LDHD: variants seen among roughly 807,000 people sequenced by gnomAD.
The protein encoded by LDHD is D-lactate dehydrogenase, mitochondrial.
Under a neutral mutation model 52.9 loss-of-function variants are expected in LDHD, and 58 were observed. The observed-to-expected ratio is 1.10, with a 90% CI of 0.89 to 1.36. LDHD has a LOEUF of 1.36. Ranked by LOEUF, LDHD falls within the 40% of genes most tolerant of loss-of-function variation. The probability of loss-of-function intolerance (pLI) is 0.00; values close to 1 mark genes in which losing one functional copy is unlikely to be tolerated. For synonymous variants in LDHD, 350 were observed against 288.6 expected (o/e 1.21, Z -2.16); for missense variants, 747 against 668.0 (o/e 1.12, Z -1.30).
chr16:75,114,093 G>T lies in LDHD; in HGVS notation c.702C>A (p.Ala234=). ...GGGCAGGGTGCAGGCGCAGGGTGGT[G>T]GCTGTGATGAGGCCCAGCGTCCCCT... ...GSEGTLGLIT[A]TTLRLHPAPE... is the part of the protein sequence containing the mutation. The change falls in exon 6 of 11, where the codon GCC becomes GCA. Residue 234 remains alanine, a synonymous_variant. Coordinates refer to ENST00000450168, the MANE Select transcript of LDHD (RefSeq NM_194436.3). 1.2e-6 allele frequency: 2 copies of T among 1,612,002 alleles called. No individual in the cohort carries two copies.
Position 75,114,645 on chromosome 16 carries a change from G to T in LDHD, c.510C>A (p.Thr170=). 3 of 1,530,616 alleles carry T rather than the reference G, an allele frequency of 2.0e-6. No homozygotes were observed. The highest frequency in any genetic ancestry group is 2.6e-6 in the Non-Finnish European group (3 of 1,140,432). 94.8% of individuals were successfully genotyped at this position (1,530,616 alleles called of 1,614,324 possible). The change falls in exon 5 of 11, where the codon ACC becomes ACA. Residue 170 remains threonine (T), a synonymous_variant. Transcript: ENST00000450168. ...ADASLCGMAA[T]GASGTNAVRY... Reference sequence around the variant, plus strand: ...GGACCGCGTTGGTCCCCGACGCCCCGGTGGCCGCCATGCCACAGAGAGAGG... The same window carrying T: ...GGACCGCGTTGGTCCCCGACGCCCCTGTGGCCGCCATGCCACAGAGAGAGG...
chr16:75,116,532 CA>C, intron 1 of LDHD, 116 bp downstream of exon 1: 1 of 845,116 alleles, frequency 1.2e-6, no homozygotes, highest in Non-Finnish European at 1.9e-6. Context: ...CCCTTTTGCC[CA>C]AGGTCAGGTC....
In LDHD at chr16:75,112,935, G is replaced by C; in HGVS notation, c.1087-11C>G. 1.2e-6 allele frequency: 2 copies of C among 1,604,592 alleles called. No individual in the cohort carries two copies. Among genetic ancestry groups the C allele is most frequent in the Non-Finnish European group, 1.7e-6 (2 of 1,176,316 alleles). Reference sequence around the variant, plus strand: ...ATCCGTGGAGTAGCCCTGGTCAGAGGGAAGCCTATGAGTTACCCCTGCCTG... The same window carrying C: ...ATCCGTGGAGTAGCCCTGGTCAGAGCGAAGCCTATGAGTTACCCCTGCCTG... On this transcript the variant is annotated splice_polypyrimidine_tract_variant and intron_variant, in intron 8 of 10. Transcript: ENST00000450168.
Position 75,115,582 on chromosome 16 carries a change from G to C in LDHD, c.151C>G (p.Arg51Gly). 4 of 1,612,838 alleles carry C rather than the reference G, an allele frequency of 2.5e-6. No homozygotes were observed. Among genetic ancestry groups the C allele is most frequent in the East Asian group, 2.2e-5 (1 of 44,850 alleles). ...GACTCATCGCGCCCGTGCTGCTCTC[G>C]GACCACCGCGGCAGTGGACACGTGG... ...GSHVSTAAVV[R>G]EQHGRDESVH... Residue 51 changes from arginine to glycine, a missense_variant, in exon 2 of 11, where the codon CGA (arginine) becomes GGA (glycine). Physicochemically the swap from Arg to Gly is moderately radical, Grantham distance 125. Transcript: ENST00000450168.
intron 8 of LDHD, 79 bp from the exon 9 acceptor site, chr16:75,113,003 C>A: frequency 9.7e-7 from 1 of 1,034,944 alleles, no homozygotes; most frequent in South Asian, 1.3e-5. Flanking sequence ...GAGGATGGGT[C>A]GGAGGGCACT....
rs756306177 is a variant in LDHD, at chr16:75,115,330, A to G, written c.195T>C (p.Pro65=). 1.2e-6 allele frequency: 2 copies of G among 1,613,598 alleles called. No individual in the cohort carries two copies. The highest frequency in any genetic ancestry group is 1.7e-6 in the Non-Finnish European group (2 of 1,180,002). ...TCTGGGGCCACACCACAGCATCAGG[A>G]GGTTCGCACCTAGAACCAGACCCTC... ...GRDESVHRCE[P]PDAVVWPQNV... Residue 65 remains proline, a synonymous_variant, in exon 3 of 11, where the codon CCT becomes CCC. Coordinates refer to ENST00000450168, the MANE Select transcript of LDHD (RefSeq NM_194436.3).
intron 1 of LDHD, among the ~76,000 whole-genome samples, chr16:75,116,128 A>T (rs1447777336): frequency 6.6e-6 from 1 of 152,130 alleles, no homozygotes; most frequent in East Asian, 1.9e-4. Flanking sequence ...GAGCAACCGA[A>T]AAGATCCCTC....
intron 1 of LDHD, 162 bp downstream of exon 1, chr16:75,116,487 C>T: frequency 1.7e-6 from 1 of 592,058 alleles, no homozygotes; most frequent in Non-Finnish European, 3.0e-6. Flanking sequence ...TCTCACTCTA[C>T]ACCCACCCAC....
At chr16:75,115,038 C>T (rs1249962305) in intron 3 of LDHD, 70 bp from the exon 4 acceptor site, 3 of 1,554,486 alleles carry the variant, frequency 1.9e-6, no homozygotes, top group East Asian at 4.5e-5. Context: ...CGGACCACAC[C>T]CCGCGGGTGT....
In LDHD at chr16:75,111,922, TATC is replaced by T. The variant is rs3217256; in HGVS notation, c.*431_*433del. 58,648 of 160,174 alleles carry T rather than the reference TATC, an allele frequency of 0.37. 13,215 individuals are homozygous for T. The highest frequency in any genetic ancestry group is 0.5 in the Non-Finnish European group (36,615 of 73,714). 9.9% of individuals were successfully genotyped at this position (160,174 alleles called of 1,614,324 possible). A position where few individuals can be genotyped will look rare whatever the true frequency, so the allele number is the denominator to read the frequency against. On this transcript the variant is annotated 3_prime_UTR_variant, in exon 11 of 11. Coordinates refer to ENST00000450168, the MANE Select transcript of LDHD (RefSeq NM_194436.3). ...TGGGGGAGGCCCCAAGGAGAAGACC[TATC>T]ATCATGTCACGGGAGCTCACGTTCC...
In LDHD at chr16:75,114,618, GCGGAC is replaced by G. The variant is rs1366523254; in HGVS notation, c.532_536del (p.Val178LeufsTer65). 3.9e-6 allele frequency: 6 copies of G among 1,534,326 alleles called. No homozygotes were observed. Among genetic ancestry groups the G allele is most frequent in the Non-Finnish European group, 5.2e-6 (6 of 1,144,644 alleles). ...GCACGTTGTCCCGCATGGTGCCGTA[GCGGAC>G]CGCGTTGGTCCCCGACGCCCCGGTG... On this transcript the variant is annotated frameshift_variant, in exon 5 of 11. Coordinates refer to ENST00000450168, the MANE Select transcript of LDHD (RefSeq NM_194436.3). LOFTEE classifies it high-confidence loss of function.
intron 1 of LDHD, among the ~76,000 whole-genome samples, 190 bp from the exon 2 acceptor site, chr16:75,115,850 A>C (rs1350776196): frequency 1.3e-5 from 2 of 152,158 alleles, no homozygotes; most frequent in African/African-American, 4.8e-5. Context: ...CCTCTTTTCC[A>C]AACAGAGCCA....
intron 3 of LDHD, 85 bp downstream of exon 3, chr16:75,115,113 G>A (rs1249039847): frequency 1.9e-6 from 3 of 1,552,628 alleles, no homozygotes; most frequent in Admixed American, 1.8e-5. Flanking sequence ...GACCCAAGGT[G>A]CCGTGTGTGG....
At chr16:75,115,731 G>A in intron 1 of LDHD, 71 bp from the exon 2 acceptor site, 1 of 997,418 alleles carries the variant, frequency 1.0e-6, no homozygotes. Context: ...CCCAGTGTCG[G>A]GGGGAGGGCT....
rs1485636421 is a variant in LDHD, at chr16:75,114,538, C to G, written c.617G>C (p.Gly206Ala). The part of the protein sequence containing the change: ...DGRLLHTAGR[G>A]RHFRKSAAGY... ...AGAGGGCGCTCACCGGAAATGCCGG[C>G]CTCGGCCCGCCGTGTGCAGCAGCCG... Residue 206 changes from glycine to alanine, a missense_variant, in exon 5 of 11, where the codon GGC (glycine) becomes GCC (alanine). Physicochemically the swap from Gly to Ala is moderately conservative, Grantham distance 60. Coordinates refer to ENST00000450168, the MANE Select transcript of LDHD (RefSeq NM_194436.3). 6 of 1,524,616 alleles carry G rather than the reference C, an allele frequency of 3.9e-6. No individual in the cohort carries two copies. Among genetic ancestry groups the G allele is most frequent in the South Asian group, 1.2e-5 (1 of 83,108 alleles). The allele number at this position is 1,524,616 out of a possible 1,614,324, so 94.4% of individuals were successfully genotyped here. A position where few individuals can be genotyped will look rare whatever the true frequency, so the allele number is the denominator to read the frequency against.
At chr16:75,114,503 G>C (rs1030194395) in intron 5 of LDHD, 23 bp downstream of exon 5, 2 of 1,489,962 alleles carry the variant, frequency 1.3e-6, no homozygotes, top group African/African-American at 1.4e-5. Flanking sequence ...CCAGAGCCCG[G>C]GCCCCCCGCA....
In LDHD at chr16:75,114,811, G is replaced by T. The variant is rs748578859; in HGVS notation, c.469+16C>A. The T allele has an allele frequency of 6.2e-7, 1 of 1,608,418 alleles. No individual in the cohort carries two copies. Among genetic ancestry groups the T allele is most frequent in the Non-Finnish European group, 8.5e-7 (1 of 1,177,256 alleles). On this transcript the variant is annotated intron_variant, in intron 4 of 10. Coordinates refer to ENST00000450168, the MANE Select transcript of LDHD (RefSeq NM_194436.3). The stretch of plus-strand genomic sequence containing the variant: ...ACGGTGCCCTCAGGGTCCCAGGAAA[G>T]GTTCGCGAGTCCTACCCACGGGAAA...
chr16:75,113,393 C>T, intron 8 of LDHD, 142 bp downstream of exon 8: 2 of 1,006,034 alleles, frequency 2.0e-6, no homozygotes, highest in Non-Finnish European at 2.9e-6. Flanking sequence ...CGGTCTGCAG[C>T]CCTTGTTTCT....
Position 75,114,134 on chromosome 16 carries a change from G to GC in LDHD, c.660dup (p.Leu221AlafsTer24), listed in dbSNP as rs1034372457. On this transcript the variant is annotated frameshift_variant, in exon 6 of 11. Coordinates refer to ENST00000450168, the MANE Select transcript of LDHD (RefSeq NM_194436.3). LOFTEE classifies it high-confidence loss of function. ...AGCGTCCCCTCGGAGCCCACGAAGA[G>GC]CCCCGTGAGGTTGTAGCCGGCTGCA... is the stretch of plus-strand genomic sequence containing the variant. The GC allele has an allele frequency of 6.2e-7, 1 of 1,612,714 alleles. No individual in the cohort carries two copies. Among genetic ancestry groups the GC allele is most frequent in the Admixed American group, 1.7e-5 (1 of 60,008 alleles).
Sources: allele counts gnomAD v4.1 joint callset (sites outside exome capture counted in the v4.1 genomes callset), GRCh38; gene constraint gnomAD v4.1.1; transcripts MANE v1.5; gene names NCBI Gene and HGNC (gene_info 2026-07-23, HGNC 2026-07-21).